Variants in PPM1E observed in about 807,000 individuals in gnomAD.
PPM1E encodes the protein protein phosphatase 1E.
In PPM1E, 20 loss-of-function variants were observed where a neutral mutation model predicts 65.9. That is an observed-to-expected ratio of 0.30 (90% CI 0.21 to 0.44). The LOEUF is 0.44. Among genes scored for constraint, PPM1E ranks in the 20% least tolerant of loss-of-function variants. The pLI, the probability that PPM1E is intolerant of heterozygous loss-of-function variation, is 1.00. For missense variants in PPM1E, 713 were observed against 953.1 expected (o/e 0.75, Z 3.32); for synonymous variants, 352 against 374.9 (o/e 0.94, Z 0.70).
intron 3 of PPM1E, among the ~76,000 whole-genome samples, chr17:58,969,281 C>G (rs2030447479): frequency 6.6e-6 from 1 of 152,074 alleles, no homozygotes; most frequent in Non-Finnish European, 1.5e-5. Context: ...ACAACTTTCA[C>G]AGAGAGAGGG....
chr17:58,914,338 G>T (rs2051661412), intron 1 of PPM1E, among the ~76,000 whole-genome samples: 1 of 152,050 alleles, frequency 6.6e-6, no homozygotes, highest in South Asian at 2.1e-4. Flanking sequence ...TCTGTTCTAG[G>T]ATCCAATCCA....
chr17:58,955,013 T>G (rs182075519), intron 1 of PPM1E, among the ~76,000 whole-genome samples: 5 of 152,202 alleles, frequency 3.3e-5, no homozygotes, highest in Non-Finnish European at 5.9e-5. Flanking sequence ...CCATTCTATC[T>G]AAGTTCATAC....
Position 58,981,140 on chromosome 17 carries a change from G to A in PPM1E, c.*109G>A. Reference sequence around the variant, plus strand: ...ATATGTGCTTCATTATGAATCCATGGATGGCTCAATTCTTAAATGTAAATA... The same window carrying A: ...ATATGTGCTTCATTATGAATCCATGAATGGCTCAATTCTTAAATGTAAATA... On this transcript the variant is annotated 3_prime_UTR_variant, in exon 7 of 7. Transcript: ENST00000308249. The A allele has an allele frequency of 1.3e-6, 1 of 743,606 alleles. No homozygotes were observed. The highest frequency in any genetic ancestry group is 2.0e-5 in the South Asian group (1 of 50,648). The allele number at this position is 743,606 out of a possible 1,614,324, so 46.1% of individuals were successfully genotyped here.
intron 1 of PPM1E, among the ~76,000 whole-genome samples, chr17:58,767,846 C>G (rs1325297449): frequency 2.0e-5 from 3 of 151,768 alleles, no homozygotes; most frequent in African/African-American, 7.3e-5. Flanking sequence ...TTCTCCATGT[C>G]GGTCAGACTG....
intron 1 of PPM1E, among the ~76,000 whole-genome samples, 172 bp downstream of exon 1, chr17:58,756,633 G>A (rs1156456964): frequency 1.3e-5 from 2 of 148,764 alleles, no homozygotes; most frequent in Admixed American, 6.6e-5. Flanking sequence ...TCGGCTGAGA[G>A]CTGCCCACGC....
intron 1 of PPM1E, among the ~76,000 whole-genome samples, chr17:58,867,413 G>A (rs1421604282): frequency 1.3e-5 from 2 of 152,178 alleles, no homozygotes; most frequent in Non-Finnish European, 2.9e-5. Context: ...ATTTTCTTAT[G>A]GGAAGGATTA....
intron 1 of PPM1E, among the ~76,000 whole-genome samples, chr17:58,889,056 A>G (rs914087231): frequency 2.0e-5 from 3 of 152,204 alleles, no homozygotes; most frequent in Non-Finnish European, 4.4e-5. Flanking sequence ...AGTTATTAGA[A>G]TCATTATAAC....
chr17:58,771,333 A>T (rs773775083), intron 1 of PPM1E, among the ~76,000 whole-genome samples: 2 of 151,662 alleles, frequency 1.3e-5, no homozygotes, highest in Non-Finnish European at 2.9e-5. Flanking sequence ...TTAAAAGTAG[A>T]TTCTAAAAAA....
At chr17:58,944,353 A>G (rs2052115391) in intron 1 of PPM1E, among the ~76,000 whole-genome samples, 4 of 152,164 alleles carry the variant, frequency 2.6e-5, no homozygotes, top group Admixed American at 2.6e-4. Flanking sequence ...ACTGCTTCAC[A>G]TGACTTGCCT....
intron 1 of PPM1E, among the ~76,000 whole-genome samples, chr17:58,933,779 A>G (rs2143577319): frequency 6.9e-6 from 1 of 143,948 alleles, no homozygotes; most frequent in East Asian, 2.1e-4. Context: ...CTGGAAGACG[A>G]GTGAAACCCT....
chr17:58,936,827 T>G (rs1213837869), intron 1 of PPM1E, among the ~76,000 whole-genome samples: 2 of 152,230 alleles, frequency 1.3e-5, no homozygotes, highest in Non-Finnish European at 2.9e-5. Flanking sequence ...AATGTTTTTA[T>G]TCAGTAATAA....
chr17:58,963,088 T>C (rs2030088323), intron 2 of PPM1E, among the ~76,000 whole-genome samples: 1 of 148,560 alleles, frequency 6.7e-6, no homozygotes, highest in Non-Finnish European at 1.5e-5. Flanking sequence ...GACCCTCTTA[T>C]TTAAAGAAAA....
Position 58,984,534 on chromosome 17 carries a change from C to T in PPM1E, c.*3503C>T. On this transcript the variant is annotated 3_prime_UTR_variant, in exon 7 of 7. Coordinates refer to ENST00000308249, the MANE Select transcript of PPM1E (RefSeq NM_014906.5). ...ATAAAAGGGAATACTACAGTTTTGT[C>T]CACACTTTAATTTGAGACCATTTTT... is the stretch of plus-strand genomic sequence containing the variant. The T allele has an allele frequency of 6.6e-6, 1 of 152,606 alleles. No homozygotes were observed. 9.5% of individuals were successfully genotyped at this position (152,606 alleles called of 1,614,324 possible). A position where few individuals can be genotyped will look rare whatever the true frequency, so the allele number is the denominator to read the frequency against.
intron 1 of PPM1E, among the ~76,000 whole-genome samples, chr17:58,845,228 A>T (rs916127657): frequency 1.3e-5 from 2 of 151,722 alleles, no homozygotes; most frequent in Non-Finnish European, 2.9e-5. Flanking sequence ...GGGGTAACAT[A>T]TAGCAACCTA....
chr17:58,755,871 T>C lies in PPM1E; in HGVS notation c.-127T>C, dbSNP rs754104873. On this transcript the variant is annotated 5_prime_UTR_variant, in exon 1 of 7. Transcript: ENST00000308249. ...CGGGAGCCCTCTCCAGGCAACCTAG[T>C]GCTGATCGCTCGTGCCGGTGCGGCC... 47 of 1,495,966 alleles carry C rather than the reference T, an allele frequency of 3.1e-5. No individual in the cohort carries two copies. The highest frequency in any genetic ancestry group is 3.7e-5 in the Non-Finnish European group (42 of 1,123,760). The allele number at this position is 1,495,966 out of a possible 1,614,324, so 92.7% of individuals were successfully genotyped here. A position where few individuals can be genotyped will look rare whatever the true frequency, so the allele number is the denominator to read the frequency against.
chr17:58,972,513 G>A (rs980615392), intron 5 of PPM1E, among the ~76,000 whole-genome samples: 1 of 152,136 alleles, frequency 6.6e-6, no homozygotes, highest in African/African-American at 2.4e-5. Context: ...ACCACGCCCA[G>A]CTAATTTTTG....
chr17:58,943,676 T>C (rs1598665902), intron 1 of PPM1E, among the ~76,000 whole-genome samples: 1 of 152,140 alleles, frequency 6.6e-6, no homozygotes, highest in Non-Finnish European at 1.5e-5. Flanking sequence ...AATATGAAGA[T>C]TCACAGGCCT....
intron 1 of PPM1E, among the ~76,000 whole-genome samples, chr17:58,801,716 C>T (rs1470938597): frequency 6.6e-6 from 1 of 151,702 alleles, no homozygotes; most frequent in Non-Finnish European, 1.5e-5. Flanking sequence ...GTTGGGATTA[C>T]AGGTTTGAGC....
intron 1 of PPM1E, among the ~76,000 whole-genome samples, chr17:58,834,499 G>GT (rs1251367691): frequency 2.0e-5 from 3 of 152,032 alleles, no homozygotes; most frequent in South Asian, 2.1e-4. Flanking sequence ...AGTTTCTCTT[G>GT]TTTTTTCCCT....
Sources: gnomAD v4.1 joint callset for allele counts (sites outside exome capture counted in the v4.1 genomes callset) on GRCh38, gnomAD v4.1.1 for gene constraint, MANE v1.5 for transcripts, NCBI Gene and HGNC (gene_info 2026-07-23, HGNC 2026-07-21) for gene names.